Variants in SEC62 observed in about 807,000 individuals in gnomAD.
SEC62 encodes SEC62 preprotein translocation factor, also known as translocation protein SEC62.
SEC62 carries 10 observed loss-of-function variants against 47.5 expected under a neutral mutation model. The ratio of observed to expected loss-of-function variants is 0.21; its 90% confidence interval spans 0.13 to 0.36. The LOEUF is 0.36. Among genes scored for constraint, SEC62 ranks in the 10% least tolerant of loss-of-function variants. The pLI is 1.00. For synonymous variants in SEC62, 136 were observed against 150.5 expected (o/e 0.90, Z 0.71); for missense variants, 327 against 464.1 (o/e 0.70, Z 2.71).
At chr3:169,979,802 T>C (rs2108283481) in intron 3 of SEC62, among the ~76,000 whole-genome samples, 1 of 152,330 alleles carries the variant, frequency 6.6e-6, no homozygotes. Context: ...GCTACATATG[T>C]GTGAGTTTTT....
intron 1 of SEC62, among the ~76,000 whole-genome samples, chr3:169,974,527 T>G (rs1392933118): frequency 6.6e-6 from 1 of 152,030 alleles, no homozygotes; most frequent in Non-Finnish European, 1.5e-5. Context: ...ATGAAGAAAA[T>G]AATAGAAAAT....
At chr3:169,976,895 G>A (rs774532948) in intron 2 of SEC62, 51 bp from the exon 3 acceptor site, 1 of 1,231,018 alleles carries the variant, frequency 8.1e-7, no homozygotes, top group South Asian at 1.5e-5. Flanking sequence ...TATTTAGATA[G>A]ACATAAATCC....
At chr3:169,984,980 G>A (rs1345468407) in intron 5 of SEC62, 1 of 152,068 alleles carries the variant, frequency 6.6e-6, no homozygotes, top group Non-Finnish European at 1.5e-5. Flanking sequence ...CCAGCTTATG[G>A]GCCCTCCATG....
At chr3:169,989,570 T>A (rs1715191571) in intron 7 of SEC62, among the ~76,000 whole-genome samples, 1 of 152,024 alleles carries the variant, frequency 6.6e-6, no homozygotes, top group African/African-American at 2.4e-5. Context: ...AAATTGGTGC[T>A]TTTTGCCTTT....
Position 169,997,351 on chromosome 3 carries a change from A to T in SEC62, c.*4288A>T, listed in dbSNP as rs1302710152. 6.6e-6 allele frequency: 1 copy of T among 152,354 alleles called. No homozygotes were observed. The highest frequency in any genetic ancestry group is 1.5e-5 in the Non-Finnish European group (1 of 68,034). The allele number at this position is 152,354 out of a possible 1,614,324, so 9.4% of individuals were successfully genotyped here. A position where few individuals can be genotyped will look rare whatever the true frequency, so the allele number is the denominator to read the frequency against. On this transcript the variant is annotated 3_prime_UTR_variant, in exon 8 of 8. Transcript: ENST00000337002. ...AGCATGACAGAAAGAGGGAAAGATAAGTTAAATTTCAAGGGGGTCATATCA... is the reference window on the plus strand; with the variant it reads ...AGCATGACAGAAAGAGGGAAAGATATGTTAAATTTCAAGGGGGTCATATCA...
At position 169,980,927 on chromosome 3, in the gene SEC62, T is replaced by A. The variant is rs537851776; in HGVS notation, c.252-1780T>A. 5.3e-5 allele frequency among the ~76,000 whole-genome samples: 8 copies of A among 152,302 alleles called. No individual in the cohort carries two copies. In the South Asian group the frequency reaches 1.7e-3, roughly 32 times the overall value. On this transcript the variant is annotated intron_variant, in intron 3 of 7. Coordinates refer to ENST00000337002, the MANE Select transcript of SEC62 (RefSeq NM_003262.4). Reference sequence around the variant, plus strand: ...TTTTCATTTGGAGTGGAAATAAATGTTCCTGAAAGAAAATCTGGAAATCAT... The same window carrying A: ...TTTTCATTTGGAGTGGAAATAAATGATCCTGAAAGAAAATCTGGAAATCAT...
At chr3:169,976,771 C>G (rs1486766947) in intron 2 of SEC62, among the ~76,000 whole-genome samples, 175 bp from the exon 3 acceptor site, 2 of 152,132 alleles carry the variant, frequency 1.3e-5, no homozygotes, top group African/African-American at 4.8e-5. Context: ...TAATATAGTT[C>G]ACAAGTTGAG....
rs1191374989 is a variant in SEC62 at position 169,988,316 on chromosome 3, G to C, written c.687G>C (p.Val229=). ...EMRVGVYYLS[V]GAGCFVASIL... ...GAGTAGGTGTTTATTACCTCAGTGT[G>C]GGTGCAGGCTGTTTTGTAGCCAGTA... Residue 229 remains valine, a synonymous_variant, in exon 7 of 8, where the codon GTG becomes GTC. Transcript: ENST00000337002. 12 of 1,613,768 alleles carry C rather than the reference G, an allele frequency of 7.4e-6. No homozygotes were observed. Among genetic ancestry groups the C allele is most frequent in the Non-Finnish European group, 1.0e-5 (12 of 1,179,866 alleles).
At chr3:169,972,895 C>T (rs943722670) in intron 1 of SEC62, among the ~76,000 whole-genome samples, 41 of 152,114 alleles carry the variant, frequency 2.7e-4, no homozygotes, top group Non-Finnish European at 5.1e-4. Context: ...TCTGGAAGAA[C>T]AGGTCACATT....
At position 169,996,822 on chromosome 3, in the gene SEC62, A is replaced by G. The variant is rs981361375; in HGVS notation, c.*3759A>G. On this transcript the variant is annotated 3_prime_UTR_variant, in exon 8 of 8. Transcript: ENST00000337002. ...CTACTAGCCTGGAGTTGCAGAAGCT[A>G]CTGTGCTTCCTCTTTGGGTAGCCTA... 2.6e-5 allele frequency: 4 copies of G among 152,236 alleles called. No homozygotes were observed. Among genetic ancestry groups the G allele is most frequent in the Non-Finnish European group, 5.9e-5 (4 of 68,070 alleles). The allele number at this position is 152,236 out of a possible 1,614,324, so 9.4% of individuals were successfully genotyped here.
At position 169,982,850 on chromosome 3, in the gene SEC62, A is replaced by T. The variant is rs1715013979; in HGVS notation, c.395A>T (p.Asp132Val). The T allele has an allele frequency of 6.4e-7, 1 of 1,567,846 alleles. No individual in the cohort carries two copies. The highest frequency in any genetic ancestry group is 2.1e-5 in the Admixed American group (1 of 48,150). Reference protein sequence around the residue: ...DKKSKKENIKDEKTKKEKEKK... With the variant: ...DKKSKKENIKVEKTKKEKEKK... ...AAGAGCAAGAAAGAAAATATAAAGG[A>T]TGAGAAGACAAAAAAAGAAAAAGAG... Residue 132 changes from aspartate (D) to valine (V), a missense_variant, in exon 4 of 8, where the codon GAT (aspartate) becomes GTT (valine). This residue lies in a region of SEC62 where 126 missense variants were observed against 161.2 expected (regional missense o/e 0.78). Transcript: ENST00000337002.
intron 3 of SEC62, among the ~76,000 whole-genome samples, chr3:169,978,771 G>C (rs1425869269): frequency 1.3e-5 from 2 of 152,076 alleles, no homozygotes. Context: ...CCACAAAACT[G>C]ATGTATTTTT....
At chr3:169,983,955 T>A (rs1715038730) in intron 5 of SEC62, 1 of 152,250 alleles carries the variant, frequency 6.6e-6, no homozygotes. Flanking sequence ...TTAACATTTC[T>A]TGATGCTTTA....
chr3:169,984,902 T>A (rs1715066218), intron 5 of SEC62, among the ~76,000 whole-genome samples: 1 of 152,168 alleles, frequency 6.6e-6, no homozygotes, highest in Non-Finnish European at 1.5e-5. Context: ...CTGATCTGAA[T>A]GAAGTAAATT....
At chr3:169,984,869 T>C (rs1715063360) in intron 5 of SEC62, among the ~76,000 whole-genome samples, 1 of 152,166 alleles carries the variant, frequency 6.6e-6, no homozygotes, top group Non-Finnish European at 1.5e-5. Flanking sequence ...CTGAGTTTTA[T>C]GGATGAATGA....
chr3:169,984,871 G>T (rs1367884898), intron 5 of SEC62, among the ~76,000 whole-genome samples: 1 of 152,126 alleles, frequency 6.6e-6, no homozygotes, highest in Non-Finnish European at 1.5e-5. Flanking sequence ...GAGTTTTATG[G>T]ATGAATGATC....
At chr3:169,987,175 C>T (rs575127425) in intron 6 of SEC62, among the ~76,000 whole-genome samples, 12 of 152,094 alleles carry the variant, frequency 7.9e-5, no homozygotes, top group African/African-American at 2.7e-4. Context: ...ACTTGTAATC[C>T]TAACACTTTA....
intron 5 of SEC62, 116 bp downstream of exon 5, chr3:169,983,369 G>T (rs1009679411): frequency 6.2e-6 from 3 of 486,268 alleles, no homozygotes; most frequent in Non-Finnish European, 3.6e-6. Context: ...GCTCTTAAAT[G>T]TATAAAAGCT....
At position 169,983,035 on chromosome 3, in the gene SEC62, T is replaced by TC; in HGVS notation, c.456+124_456+125insC. ...TGAGATAACTATATTAGAGTTGTTA[T>TC]AAATACCGTGGTTGAGAATTTTTAT... is the stretch of plus-strand genomic sequence containing the variant. On this transcript the variant is annotated intron_variant, in intron 4 of 7. Coordinates refer to ENST00000337002, the MANE Select transcript of SEC62 (RefSeq NM_003262.4). The TC allele has an allele frequency of 4.1e-6, 6 of 1,478,924 alleles. No homozygotes were observed. The South Asian group carries it at 4.1e-5, about 10-fold the overall frequency. The allele number at this position is 1,478,924 out of a possible 1,614,324, so 91.6% of individuals were successfully genotyped here.
Sources: allele counts gnomAD v4.1 joint callset (sites outside exome capture counted in the v4.1 genomes callset), GRCh38; gene constraint gnomAD v4.1.1; regional missense constraint gnomAD v4.1.1; transcripts MANE v1.5; gene names NCBI Gene and HGNC (gene_info 2026-07-23, HGNC 2026-07-21).